The following MBNL1 variants were observed in gnomAD, a reference collection of about 807,000 sequenced individuals.
MBNL1 encodes the protein muscleblind like splicing regulator 1.
MBNL1 carries 8 observed loss-of-function variants against 42.2 expected under a neutral mutation model. The observed-to-expected ratio is 0.19, with a 90% CI of 0.11 to 0.34. MBNL1 has a LOEUF of 0.34. Among genes scored for constraint, MBNL1 ranks in the 10% least tolerant of loss-of-function variants. MBNL1 has a pLI of 1.00. For synonymous variants in MBNL1, 169 were observed against 173.9 expected, an observed-to-expected ratio of 0.97 and a Z score of 0.22; for missense variants, 309 against 495.3, an observed-to-expected ratio of 0.62 and a Z score of 3.57.
rs189575768 is a variant in MBNL1 at position 152,445,234 on chromosome 3, T to G, written c.550-48T>G. The stretch of plus-strand genomic sequence containing the variant: ...TTTAAGTTAAAATCTTCAGAAAGCT[T>G]CTTCTTCTTCATGTTGACTAAACCT... On this transcript the variant is annotated intron_variant, in intron 4 of 9. Transcript: ENST00000324210. 2.4e-4 allele frequency: 363 copies of G among 1,530,936 alleles called. 2 individuals carry two copies. The highest frequency in any genetic ancestry group is 8.7e-4 in the Middle Eastern group (5 of 5,732). The allele number at this position is 1,530,936 out of a possible 1,614,324, so 94.8% of individuals were successfully genotyped here. A position where few individuals can be genotyped will look rare whatever the true frequency, so the allele number is the denominator to read the frequency against.
At chr3:152,280,197 A>G (rs914742261) in intron 1 of MBNL1, among the ~76,000 whole-genome samples, 1 of 152,144 alleles carries the variant, frequency 6.6e-6, no homozygotes, top group Admixed American at 6.6e-5. Context: ...AATTTCCAGT[A>G]TAGTGATAGA....
chr3:152,393,796 T>C (rs1219950894), intron 2 of MBNL1, among the ~76,000 whole-genome samples: 2 of 152,212 alleles, frequency 1.3e-5, no homozygotes, highest in Non-Finnish European at 2.9e-5. Flanking sequence ...TCCCCTTTCC[T>C]GTGCGTGAGC....
intron 2 of MBNL1, among the ~76,000 whole-genome samples, chr3:152,385,455 TC>T (rs922672470): frequency 2.6e-5 from 4 of 152,066 alleles, no homozygotes; most frequent in Admixed American, 2.0e-4. Flanking sequence ...GATGTTAAAA[TC>T]TTCATGGATT....
chr3:152,387,937 AC>A (rs1421222454), intron 2 of MBNL1, among the ~76,000 whole-genome samples: 2 of 152,188 alleles, frequency 1.3e-5, no homozygotes, highest in East Asian at 3.8e-4. Context: ...AAGCCAGTTT[AC>A]CAAGGCTTTT....
chr3:152,266,963 A>T (rs554937544), upstream of MBNL1: 2 of 152,232 alleles, frequency 1.3e-5, no homozygotes, highest in Admixed American at 1.3e-4. Flanking sequence ...AGTAAAGTTG[A>T]GACTCGTTAG....
chr3:152,343,598 T>C (rs996878478), intron 2 of MBNL1, among the ~76,000 whole-genome samples: 1 of 152,100 alleles, frequency 6.6e-6, no homozygotes, highest in African/African-American at 2.4e-5. Flanking sequence ...TCAAAGGGGT[T>C]AGAAATCGAG....
intron 2 of MBNL1, among the ~76,000 whole-genome samples, chr3:152,351,937 T>C (rs1578472101): frequency 6.6e-6 from 1 of 152,228 alleles, no homozygotes; most frequent in African/African-American, 2.4e-5. Flanking sequence ...GCTCTAAGCA[T>C]ATACTTGGTC....
intron 1 of MBNL1, among the ~76,000 whole-genome samples, chr3:152,271,444 G>C (rs1267546694): frequency 6.6e-6 from 1 of 152,174 alleles, no homozygotes; most frequent in Admixed American, 6.5e-5. Context: ...CCTTGCATTT[G>C]TCACTGTTGC....
intron 2 of MBNL1, among the ~76,000 whole-genome samples, chr3:152,379,747 T>G (rs2097098684): frequency 6.6e-6 from 1 of 152,170 alleles, no homozygotes; most frequent in African/African-American, 2.4e-5. Context: ...TTGAGAAGTT[T>G]TAAAATTTGT....
chr3:152,331,027 A>G (rs1358091035), intron 2 of MBNL1, among the ~76,000 whole-genome samples: 1 of 152,104 alleles, frequency 6.6e-6, no homozygotes, highest in Admixed American at 6.6e-5. Context: ...ACTTTTGCAG[A>G]AAGTAACCAT....
At chr3:152,363,972 ATCCT>A (rs2096185565) in intron 2 of MBNL1, among the ~76,000 whole-genome samples, 1 of 152,160 alleles carries the variant, frequency 6.6e-6, no homozygotes, top group Non-Finnish European at 1.5e-5. Context: ...AATGAGATTG[ATCCT>A]TCATACAGCT....
intron 2 of MBNL1, among the ~76,000 whole-genome samples, chr3:152,352,378 T>C (rs2095104773): frequency 6.6e-6 from 1 of 152,198 alleles, no homozygotes; most frequent in African/African-American, 2.4e-5. Flanking sequence ...CAGGAAAGCA[T>C]GAGAACATCA....
chr3:152,404,810 A>G (rs1037949089), intron 2 of MBNL1, among the ~76,000 whole-genome samples: 1 of 150,472 alleles, frequency 6.6e-6, no homozygotes, highest in African/African-American at 2.4e-5. Context: ...ATTTTTCATT[A>G]TTTGTGTTAT....
At chr3:152,342,524 C>T (rs2093473689) in intron 2 of MBNL1, among the ~76,000 whole-genome samples, 2 of 148,690 alleles carry the variant, frequency 1.3e-5, no homozygotes, top group African/African-American at 2.5e-5. Flanking sequence ...AATTCAGGCC[C>T]AACTCTGTCT....
At chr3:152,358,528 T>G (rs1194727762) in intron 2 of MBNL1, among the ~76,000 whole-genome samples, 1 of 152,198 alleles carries the variant, frequency 6.6e-6, no homozygotes, top group African/African-American at 2.4e-5. Context: ...TAGTTTTCCC[T>G]GCAACTAGAT....
intron 2 of MBNL1, among the ~76,000 whole-genome samples, chr3:152,252,189 T>TTCCC (rs2034717786): frequency 7.4e-6 from 1 of 135,950 alleles, no homozygotes. Flanking sequence ...CCCTCCTTCC[T>TTCCC]TCCTTCCCTC....
At chr3:152,268,900 C>G (rs1237748400), upstream of MBNL1, 2 of 454,808 alleles carry the variant, frequency 4.4e-6, no homozygotes, top group Non-Finnish European at 8.9e-6. Context: ...CAGACCTCGG[C>G]GATAAGAGGC....
At position 152,456,756 on chromosome 3, in the gene MBNL1, A is replaced by T. The variant is rs180934376; in HGVS notation, c.1092+395A>T. Among the ~76,000 whole-genome samples the T allele has an allele frequency of 3.0e-4, 46 of 152,304 alleles. 1 individual carries two copies. In the East Asian group the frequency reaches 8.9e-3, roughly 29 times the overall value. The stretch of plus-strand genomic sequence containing the variant: ...ATACAGTTTCTTAGTTCTTGCCTAA[A>T]TGATTAATAGAAAGTAAAATACTTA... On this transcript the variant is annotated intron_variant, in intron 8 of 9. Coordinates refer to ENST00000324210, the MANE Select transcript of MBNL1 (RefSeq NM_021038.5).
intron 6 of MBNL1, among the ~76,000 whole-genome samples, chr3:152,455,119 G>A (rs959088376): frequency 6.6e-6 from 1 of 151,274 alleles, no homozygotes; most frequent in African/African-American, 2.4e-5. Context: ...AATATCTTTA[G>A]TAAGTTAATA....
Sources: allele counts gnomAD v4.1 joint callset (sites outside exome capture counted in the v4.1 genomes callset), GRCh38; gene constraint gnomAD v4.1.1; transcripts MANE v1.5; gene names NCBI Gene and HGNC (gene_info 2026-07-23, HGNC 2026-07-21).